USP38: variants seen among roughly 807,000 people sequenced by gnomAD.
The protein encoded by USP38 is ubiquitin carboxyl-terminal hydrolase 38.
A neutral mutation model predicts 94.3 loss-of-function variants in USP38; 49 were observed. The ratio of observed to expected loss-of-function variants is 0.52; its 90% CI spans 0.41 to 0.66. The LOEUF is 0.66. Ranked by LOEUF, USP38 falls within the 30% of genes least tolerant of loss-of-function variation. The probability of loss-of-function intolerance (pLI) is 0.00; values close to 1 mark genes in which losing one functional copy is unlikely to be tolerated. For synonymous variants in USP38, 468 were observed against 463.6 expected, an observed-to-expected ratio of 1.01 and a Z score of -0.12; for missense variants, 1,128 against 1,229.4, an observed-to-expected ratio of 0.92 and a Z score of 1.23.
chr4:143,195,677 A>G (rs1323249495), intron 2 of USP38, 39 bp from the exon 3 acceptor site: 7 of 1,554,358 alleles, frequency 4.5e-6, no homozygotes, highest in African/African-American at 4.1e-5. Context: ...AAATGAAAAT[A>G]TTTTCAATAA....
chr4:143,208,864 C>T (rs1731944820), intron 6 of USP38, among the ~76,000 whole-genome samples: 1 of 151,456 alleles, frequency 6.6e-6, no homozygotes, highest in Admixed American at 6.6e-5. Flanking sequence ...ATTTTAAGTA[C>T]TTCAGTAGTT....
rs894770214 is a variant in USP38 at position 143,212,312 on chromosome 4, C to G, written c.1498-6C>G. The G allele has an allele frequency of 3.1e-6, 5 of 1,598,818 alleles. No homozygotes were observed. Among genetic ancestry groups the G allele is most frequent in the Non-Finnish European group, 4.3e-6 (5 of 1,174,064 alleles). On this transcript the variant is annotated splice_polypyrimidine_tract_variant and splice_region_variant and intron_variant, in intron 7 of 9. Coordinates refer to ENST00000307017, the MANE Select transcript of USP38 (RefSeq NM_032557.6). Reference sequence around the variant, plus strand: ...TTCCTTATATTTTCTCAATTGCTCTCAAAAGAGGGAAGCATACGCACCTCG... The same window carrying G: ...TTCCTTATATTTTCTCAATTGCTCTGAAAAGAGGGAAGCATACGCACCTCG...
rs78036761 is a variant in USP38 at position 143,206,333 on chromosome 4, A to G, written c.1403+107A>G. 434 of 969,102 alleles carry G rather than the reference A, an allele frequency of 4.5e-4. 3 individuals are homozygous for G. In the Middle Eastern group the frequency reaches 6.6e-3, roughly 15 times the overall value. 60.0% of individuals were successfully genotyped at this position (969,102 alleles called of 1,614,324 possible). On this transcript the variant is annotated intron_variant, in intron 6 of 9. Transcript: ENST00000307017. ...CACATTATTCCTTATAAATGGCATA[A>G]ATGTTAACTTTGATTGCCTTATTCA...
chr4:143,219,981 A>G (rs925713949), intron 9 of USP38, among the ~76,000 whole-genome samples: 28 of 152,228 alleles, frequency 1.8e-4, no homozygotes, highest in African/African-American at 6.3e-4. Context: ...TCCTTTATTC[A>G]TACATTTAAC....
intron 9 of USP38, among the ~76,000 whole-genome samples, chr4:143,218,538 T>C (rs1374789620): frequency 6.6e-6 from 1 of 152,080 alleles, no homozygotes; most frequent in Admixed American, 6.6e-5. Flanking sequence ...TATATTTCTA[T>C]AAATAATAAA....
rs200145319 is a variant in USP38, at chr4:143,186,143, T to C, written c.682+11T>C. On this transcript the variant is annotated intron_variant, in intron 1 of 9. Coordinates refer to ENST00000307017, the MANE Select transcript of USP38 (RefSeq NM_032557.6). ...GCATCTCTTCCACAGGTAAGGGTCA[T>C]TATCTTTCAGAATATCTCATAAAAA... 21 of 1,610,874 alleles carry C rather than the reference T, an allele frequency of 1.3e-5. No homozygotes were observed. Among genetic ancestry groups the C allele is most frequent in the Admixed American group, 5.0e-5 (3 of 59,830 alleles).
Position 143,203,415 on chromosome 4 carries a change from C to G in USP38, c.1058C>G (p.Pro353Arg), listed in dbSNP as rs1190982907. 6.2e-7 allele frequency: 1 copy of G among 1,609,610 alleles called. No homozygotes were observed. The highest frequency in any genetic ancestry group is 8.5e-7 in the Non-Finnish European group (1 of 1,177,942). The change falls in exon 5 of 10, where the codon CCT (proline) becomes CGT (arginine). Residue 353 changes from proline to arginine, a missense_variant. Physicochemically the swap from Pro to Arg is moderately radical, Grantham distance 103. Coordinates refer to ENST00000307017, the MANE Select transcript of USP38 (RefSeq NM_032557.6). ...ATCCTTTTTTCTTTTCAGATTGTTC[C>G]TCATGTGGTTAATTTGGTTCATTCT... ...HSPEAFHLIVPHVVNLVHSFK... is the reference protein window; with the variant it reads ...HSPEAFHLIVRHVVNLVHSFK...
At position 143,209,586 on chromosome 4, in the gene USP38, TTAAATC is replaced by T; in HGVS notation, c.1432_1437del (p.Leu478_Asn479del). 6.2e-7 allele frequency: 1 copy of T among 1,601,666 alleles called. No individual in the cohort carries two copies. The highest frequency in any genetic ancestry group is 8.5e-7 in the Non-Finnish European group (1 of 1,169,832). The stretch of plus-strand genomic sequence containing the variant: ...CAGTTTCAGGAGACAAGTATTATCT[TTAAATC>T]TAAATGGGTGCAATTCATTAATGAA... On this transcript the variant is annotated inframe_deletion, in exon 7 of 10. Transcript: ENST00000307017.
At chr4:143,189,403 A>G (rs1710973003) in intron 2 of USP38, among the ~76,000 whole-genome samples, 1 of 151,992 alleles carries the variant, frequency 6.6e-6, no homozygotes, top group Admixed American at 6.6e-5. Context: ...ACATTTACAT[A>G]CAATATAAGG....
In USP38 at chr4:143,187,844, C is replaced by T. The variant is rs1731272992; in HGVS notation, c.701C>T (p.Ser234Phe). 2 of 1,612,102 alleles carry T rather than the reference C, an allele frequency of 1.2e-6. No homozygotes were observed. The highest frequency in any genetic ancestry group is 1.3e-5 in the African/African-American group (1 of 74,790). Residue 234 changes from serine to phenylalanine, a missense_variant, in exon 2 of 10, where the codon TCT (serine) becomes TTT (phenylalanine). By Grantham distance (155) the Ser-to-Phe change is radical. Transcript: ENST00000307017. ...ISSTDASFEP[S>F]VALASLVQHI... ...AAAACAGATGCATCATTTGAACCTT[C>T]TGTAGCATTGGCAAGCCTTGTGCAG...
intron 4 of USP38, among the ~76,000 whole-genome samples, chr4:143,199,534 G>A (rs1192742292): frequency 1.3e-5 from 2 of 152,142 alleles, no homozygotes; most frequent in Admixed American, 6.6e-5. Flanking sequence ...TGCCAGTGCT[G>A]CTGTTAGCTC....
intron 9 of USP38, among the ~76,000 whole-genome samples, chr4:143,217,917 A>G (rs966695301): frequency 6.6e-6 from 1 of 152,088 alleles, no homozygotes; most frequent in South Asian, 2.1e-4. Flanking sequence ...TTTCCCCTTC[A>G]TATATTTCTT....
intron 5 of USP38, chr4:143,204,550 A>G (rs1169987940): frequency 5.5e-6 from 2 of 365,740 alleles, no homozygotes; most frequent in Non-Finnish European, 1.1e-5. Flanking sequence ...CCACCACGCC[A>G]GGCTAACTTT....
rs926387199 is a variant in USP38, at chr4:143,223,597, G to A, written c.*3141G>A. 3 of 151,982 alleles carry A rather than the reference G, an allele frequency of 2.0e-5. No homozygotes were observed. Among genetic ancestry groups the A allele is most frequent in the Non-Finnish European group, 4.4e-5 (3 of 67,956 alleles). 9.4% of individuals were successfully genotyped at this position (151,982 alleles called of 1,614,324 possible). On this transcript the variant is annotated 3_prime_UTR_variant, in exon 10 of 10. Transcript: ENST00000307017. Reference sequence around the variant, plus strand: ...ATAAGTGGAATTGGATGCTTATTGTGTGCCCAGCACAGTTTAGGAAAAAAA... The same window carrying A: ...ATAAGTGGAATTGGATGCTTATTGTATGCCCAGCACAGTTTAGGAAAAAAA...
At chr4:143,187,753 T>C in intron 1 of USP38, 73 bp from the exon 2 acceptor site, 1 of 1,475,526 alleles carries the variant, frequency 6.8e-7, no homozygotes, top group Non-Finnish European at 9.0e-7. Context: ...TTTTTTTTTT[T>C]GTAAAGTGTT....
chr4:143,191,568 T>C (rs1177709758), intron 2 of USP38, among the ~76,000 whole-genome samples: 1 of 152,242 alleles, frequency 6.6e-6, no homozygotes, highest in Non-Finnish European at 1.5e-5. Flanking sequence ...AAACCAATCT[T>C]GGTGTCTTTC....
At chr4:143,211,449 C>T (rs1732021131) in intron 7 of USP38, among the ~76,000 whole-genome samples, 1 of 152,040 alleles carries the variant, frequency 6.6e-6, no homozygotes, top group Non-Finnish European at 1.5e-5. Context: ...CTTACATTAC[C>T]TGTTCAGGGT....
intron 4 of USP38, among the ~76,000 whole-genome samples, chr4:143,203,094 C>A (rs1267700828): frequency 1.3e-5 from 2 of 152,006 alleles, no homozygotes; most frequent in South Asian, 2.1e-4. Context: ...ATAACCCTAA[C>A]AATTTCAACC....
intron 2 of USP38, among the ~76,000 whole-genome samples, chr4:143,194,237 ACAATGTTTC>A (rs1369608117): frequency 1.3e-5 from 2 of 152,246 alleles, no homozygotes; most frequent in Non-Finnish European, 2.9e-5. Flanking sequence ...AGAGGCATTC[ACAATGTTTC>A]CAGTGTTATA....
Sources: allele counts gnomAD v4.1 joint callset (sites outside exome capture counted in the v4.1 genomes callset), GRCh38; gene constraint gnomAD v4.1.1; transcripts MANE v1.5; gene names NCBI Gene and HGNC (gene_info 2026-07-23, HGNC 2026-07-21).